Variants in SYT6 observed in about 807,000 individuals in gnomAD.
SYT6 encodes the protein synaptotagmin-6.
In SYT6, 24 loss-of-function variants were observed where a neutral mutation model predicts 38.4. The ratio of observed to expected loss-of-function variants is 0.62; its 90% CI spans 0.45 to 0.88. The LOEUF is 0.88. Ranked by LOEUF, SYT6 falls within the 40% of genes least tolerant of loss-of-function variation. The pLI is 0.00. For missense variants in SYT6, 611 were observed against 621.0 expected, an observed-to-expected ratio of 0.98 and a Z score of 0.17; for synonymous variants, 265 against 241.9, an observed-to-expected ratio of 1.10 and a Z score of -0.89.
intron 3 of SYT6, among the ~76,000 whole-genome samples, chr1:114,106,401 A>C (rs1238081538): frequency 6.6e-6 from 1 of 151,984 alleles, no homozygotes; most frequent in Non-Finnish European, 1.5e-5. Context: ...GTGTTTGGTG[A>C]AGTTAAATAA....
At chr1:114,148,810 G>A (rs1370564892) in intron 1 of SYT6, among the ~76,000 whole-genome samples, 1 of 152,160 alleles carries the variant, frequency 6.6e-6, no homozygotes, top group Non-Finnish European at 1.5e-5. Context: ...GCATAGAGAT[G>A]TTAACCAGGT....
Position 114,099,009 on chromosome 1 carries a change from A to C in SYT6, c.1364+85T>G, listed in dbSNP as rs1049730275. ...GAACCCTAAAGCTGAGCCCTGAATC[A>C]CAAGGTCTAAGGTCAAGGAGCCCTG... On this transcript the variant is annotated intron_variant, in intron 5 of 7. Transcript: ENST00000610222. 4 of 1,385,338 alleles carry C rather than the reference A, an allele frequency of 2.9e-6. No individual in the cohort carries two copies. In the African/African-American group the frequency reaches 5.8e-5, roughly 20 times the overall value. 85.8% of individuals were successfully genotyped at this position (1,385,338 alleles called of 1,614,324 possible).
intron 1 of SYT6, among the ~76,000 whole-genome samples, chr1:114,144,249 C>G (rs1276996194): frequency 6.6e-6 from 1 of 152,194 alleles, no homozygotes; most frequent in East Asian, 1.9e-4. Flanking sequence ...TTCCTGTTCC[C>G]TGTCTGGCCC....
rs1289911600 is a variant in SYT6 at position 114,099,138 on chromosome 1, G to A, written c.1320C>T (p.Asn440=). ...EAIIFDIPPE[N]MDQVSLLISV... is the part of the protein sequence containing the mutation. ...AGATGAGCAGGCTGACTTGATCCAT[G>A]TTTTCCGGGGGAATGTCAAAGATGA... The change falls in exon 5 of 8, where the codon AAC becomes AAT. Residue 440 remains asparagine (N), a synonymous_variant. Coordinates refer to ENST00000610222, the MANE Select transcript of SYT6 (RefSeq NM_001253772.2). 3 of 1,613,994 alleles carry A rather than the reference G, an allele frequency of 1.9e-6. No homozygotes were observed. The highest frequency in any genetic ancestry group is 2.5e-6 in the Non-Finnish European group (3 of 1,179,962).
At chr1:114,129,997 T>G (rs2101065827) in intron 3 of SYT6, among the ~76,000 whole-genome samples, 1 of 152,276 alleles carries the variant, frequency 6.6e-6, no homozygotes, top group African/African-American at 2.4e-5. Flanking sequence ...TTTCCTGTTC[T>G]TTGATCATGC....
rs551076833 is a variant in SYT6 at position 114,122,511 on chromosome 1, G to A, written c.1071+14984C>T. On this transcript the variant is annotated intron_variant, in intron 3 of 7. Coordinates refer to ENST00000610222, the MANE Select transcript of SYT6 (RefSeq NM_001253772.2). ...TGTGTGTGTGTGTGTGTGTGTGCGC[G>A]CACATGAGCATATGCACACACACAC... Among the ~76,000 whole-genome samples, 555 of 151,966 alleles carry A rather than the reference G, an allele frequency of 3.7e-3. 1 individual carries two copies. The highest frequency in any genetic ancestry group is 7.3e-3 in the South Asian group (35 of 4,792).
In SYT6 at chr1:114,100,418, C is replaced by A. The variant is rs1447579479; in HGVS notation, c.1193-1153G>T. 2.0e-5 allele frequency among the ~76,000 whole-genome samples: 3 copies of A among 152,190 alleles called. No homozygotes were observed. The East Asian group carries it at 5.8e-4, about 29-fold the overall frequency. On this transcript the variant is annotated intron_variant, in intron 4 of 7. Coordinates refer to ENST00000610222, the MANE Select transcript of SYT6 (RefSeq NM_001253772.2). ...ATCGAGCACCCACTAGGGCCCTGTA[C>A]TCCCTGGCATCATTCAGATGGCAGA...
chr1:114,136,847 C>T (rs970078922), intron 3 of SYT6, among the ~76,000 whole-genome samples: 9 of 152,236 alleles, frequency 5.9e-5, no homozygotes, highest in African/African-American at 1.9e-4. Flanking sequence ...GGTAGGATTA[C>T]TTTGCCCCTT....
intron 3 of SYT6, among the ~76,000 whole-genome samples, chr1:114,107,466 A>G (rs1676397127): frequency 6.6e-6 from 1 of 152,192 alleles, no homozygotes; most frequent in African/African-American, 2.4e-5. Flanking sequence ...AGATCCCACT[A>G]TGACCTGGAG....
At chr1:114,153,250 C>T (rs1185335843) in intron 1 of SYT6, among the ~76,000 whole-genome samples, 1 of 152,216 alleles carries the variant, frequency 6.6e-6, no homozygotes, top group Non-Finnish European at 1.5e-5. Context: ...CCTCGTCTCC[C>T]GCTCTCTCCA....
At chr1:114,096,789 T>G (rs561508448) in intron 6 of SYT6, among the ~76,000 whole-genome samples, 5 of 152,342 alleles carry the variant, frequency 3.3e-5, no homozygotes, top group Admixed American at 3.3e-4. Flanking sequence ...AATTTCCAAT[T>G]TATACAGCTC....
At chr1:114,092,349 T>A (rs1675371362) in intron 7 of SYT6, among the ~76,000 whole-genome samples, 1 of 144,826 alleles carries the variant, frequency 6.9e-6, no homozygotes, top group Non-Finnish European at 1.5e-5. Flanking sequence ...TGTGTGTGTG[T>A]GTGTGTGTGT....
At chr1:114,093,286 G>T (rs1209925743) in intron 7 of SYT6, among the ~76,000 whole-genome samples, 1 of 152,202 alleles carries the variant, frequency 6.6e-6, no homozygotes, top group East Asian at 1.9e-4. Flanking sequence ...GAAGGACCCA[G>T]ACCTACTAAA....
intron 3 of SYT6, among the ~76,000 whole-genome samples, chr1:114,113,740 A>G (rs1676827246): frequency 6.6e-6 from 1 of 152,058 alleles, no homozygotes; most frequent in Admixed American, 6.5e-5. Flanking sequence ...CTGCCAGCAT[A>G]CAGCCGCCTC....
chr1:114,145,998 G>C (rs186756588), intron 1 of SYT6, among the ~76,000 whole-genome samples: 2 of 152,172 alleles, frequency 1.3e-5, no homozygotes, highest in African/African-American at 4.8e-5. Flanking sequence ...GATTAGGGGA[G>C]GCAGAGGGCA....
intron 3 of SYT6, among the ~76,000 whole-genome samples, chr1:114,111,043 T>C (rs768807414): frequency 2.0e-5 from 3 of 152,048 alleles, no homozygotes; most frequent in Non-Finnish European, 2.9e-5. Context: ...GCATCCAGAG[T>C]ACCTTCAACA....
chr1:114,148,580 G>T (rs1161188825), intron 1 of SYT6, among the ~76,000 whole-genome samples: 1 of 152,196 alleles, frequency 6.6e-6, no homozygotes, highest in Non-Finnish European at 1.5e-5. Flanking sequence ...AGCAAGTGAC[G>T]CAGAGGCCCA....
chr1:114,115,048 T>C (rs1571849232), intron 3 of SYT6, among the ~76,000 whole-genome samples: 2 of 152,334 alleles, frequency 1.3e-5, no homozygotes, highest in East Asian at 3.9e-4. Context: ...AAAGACAGTG[T>C]TTCAAAGATA....
rs146406465 is a variant in SYT6 at position 114,104,312 on chromosome 1, G to T, written c.1072-591C>A. On this transcript the variant is annotated intron_variant, in intron 3 of 7. Transcript: ENST00000610222. ...GGCAAGTGTTTGATGCCAGGCCTCA[G>T]GTCCACTTTCTCTTTTCTCCTTAAA... Among the ~76,000 whole-genome samples the T allele has an allele frequency of 9.1e-3, 1,390 of 152,288 alleles. 17 individuals carry two copies. The highest frequency in any genetic ancestry group is 0.031 in the African/African-American group (1,302 of 41,566).
Sources: gnomAD v4.1 joint callset for allele counts (sites outside exome capture counted in the v4.1 genomes callset) on GRCh38, gnomAD v4.1.1 for gene constraint, MANE v1.5 for transcripts, NCBI Gene and HGNC (gene_info 2026-07-23, HGNC 2026-07-21) for gene names.